The following TRABD2B variants were observed in gnomAD, a reference collection of about 807,000 sequenced individuals.
TRABD2B encodes metalloprotease TIKI2.
A neutral mutation model predicts 40.1 loss-of-function variants in TRABD2B; 14 were observed. The ratio of observed to expected loss-of-function variants is 0.35; its 90% CI spans 0.23 to 0.55. The LOEUF (loss-of-function observed/expected upper bound fraction) is 0.55. Ranked by LOEUF, TRABD2B falls within the 20% of genes least tolerant of loss-of-function variation. The pLI is 0.90. For synonymous variants in TRABD2B, 263 were observed against 277.0 expected (o/e 0.95, Z 0.50); for missense variants, 541 against 648.6 (o/e 0.83, Z 1.80).
chr1:47,922,221 T>C (rs1444330973), intron 2 of TRABD2B, among the ~76,000 whole-genome samples: 3 of 152,210 alleles, frequency 2.0e-5, no homozygotes, highest in Admixed American at 2.0e-4. Flanking sequence ...GGCTAACATG[T>C]ACCTAGCCTA....
chr1:47,891,234 TCAAA>T, intron 2 of TRABD2B, among the ~76,000 whole-genome samples: 1 of 152,246 alleles, frequency 6.6e-6, no homozygotes, highest in African/African-American at 2.4e-5. Context: ...TAGCAATGAG[TCAAA>T]CAAAGTTCCA....
intron 2 of TRABD2B, among the ~76,000 whole-genome samples, chr1:47,807,461 G>T (rs1644907548): frequency 6.6e-6 from 1 of 152,206 alleles, no homozygotes; most frequent in South Asian, 2.1e-4. Context: ...CATGCCGCCA[G>T]GTTAAGAACC....
chr1:47,782,429 C>T (rs1644537660), intron 4 of TRABD2B, among the ~76,000 whole-genome samples: 1 of 152,188 alleles, frequency 6.6e-6, no homozygotes, highest in African/African-American at 2.4e-5. Flanking sequence ...GTGCTCCCAA[C>T]CCACCTGAGG....
intron 2 of TRABD2B, among the ~76,000 whole-genome samples, chr1:47,948,245 T>C (rs978116233): frequency 1.3e-5 from 2 of 149,354 alleles, no homozygotes; most frequent in Non-Finnish European, 3.0e-5. Context: ...GGGCATATCC[T>C]GAGTGATGGC....
rs55649435 is a variant in TRABD2B, at chr1:47,990,771, TTATATATATATATATA to T, written c.666+3247_666+3262del. Among the ~76,000 whole-genome samples, 280 of 36,518 alleles carry T rather than the reference TTATATATATATATATA, an allele frequency of 7.7e-3. 9 individuals are homozygous for T. The highest frequency in any genetic ancestry group is 0.011 in the Non-Finnish European group (205 of 19,354). The allele number at this position is 36,518 out of a possible 152,430, so 24.0% of individuals were successfully genotyped here. A position where few individuals can be genotyped will look rare whatever the true frequency, so the allele number is the denominator to read the frequency against. ...AGTTGTTGGTTTTAAAACGTTGGTT[TTATATATATATATATA>T]TATATATATATATATATATATATAT... On this transcript the variant is annotated intron_variant, in intron 2 of 6. Transcript: ENST00000606738.
At chr1:47,930,378 C>A (rs1206768737) in intron 2 of TRABD2B, among the ~76,000 whole-genome samples, 1 of 152,168 alleles carries the variant, frequency 6.6e-6, no homozygotes. Flanking sequence ...GATCTGGATC[C>A]CTGAGGATAG....
chr1:47,876,503 G>A (rs925161550), intron 2 of TRABD2B, among the ~76,000 whole-genome samples: 2 of 152,230 alleles, frequency 1.3e-5, no homozygotes, highest in African/African-American at 4.8e-5. Flanking sequence ...CTGGGAGACA[G>A]ACTAAGTACC....
At chr1:47,797,327 C>G (rs533953415) in intron 3 of TRABD2B, among the ~76,000 whole-genome samples, 2 of 152,282 alleles carry the variant, frequency 1.3e-5, no homozygotes, top group South Asian at 4.2e-4. Flanking sequence ...GGGGATGGAG[C>G]TGGCTTCATC....
intron 2 of TRABD2B, among the ~76,000 whole-genome samples, chr1:47,908,576 G>C (rs1644709018): frequency 6.6e-6 from 1 of 152,126 alleles, no homozygotes; most frequent in African/African-American, 2.4e-5. Context: ...TCCCTCCTGT[G>C]CCTCTCCTTC....
intron 2 of TRABD2B, among the ~76,000 whole-genome samples, chr1:47,969,908 G>A (rs567105409): frequency 6.6e-6 from 1 of 152,162 alleles, no homozygotes; most frequent in Non-Finnish European, 1.5e-5. Context: ...GCCCCTTCCA[G>A]TGTCCGACTT....
intron 2 of TRABD2B, among the ~76,000 whole-genome samples, chr1:47,891,366 G>A (rs1037230731): frequency 1.3e-5 from 2 of 152,116 alleles, no homozygotes; most frequent in Non-Finnish European, 2.9e-5. Context: ...AGAGTAAGCG[G>A]GGCTACTATG....
intron 4 of TRABD2B, among the ~76,000 whole-genome samples, chr1:47,782,072 A>G (rs572268962): frequency 2.6e-5 from 4 of 152,146 alleles, no homozygotes; most frequent in Non-Finnish European, 5.9e-5. Flanking sequence ...TGGTAACTAC[A>G]CAATGCTGAC....
At chr1:47,875,321 G>T (rs1050232094) in intron 2 of TRABD2B, among the ~76,000 whole-genome samples, 1 of 150,794 alleles carries the variant, frequency 6.6e-6, no homozygotes, top group Non-Finnish European at 1.5e-5. Context: ...CGCACAGCAC[G>T]CGGCAACACT....
chr1:47,950,068 G>A (rs1241218375), intron 2 of TRABD2B, among the ~76,000 whole-genome samples: 2 of 152,046 alleles, frequency 1.3e-5, no homozygotes, highest in African/African-American at 4.8e-5. Flanking sequence ...GACGGATCAC[G>A]AGGTCAGGAG....
chr1:47,883,537 G>C (rs977411176), intron 2 of TRABD2B, among the ~76,000 whole-genome samples: 4 of 152,186 alleles, frequency 2.6e-5, no homozygotes, highest in Non-Finnish European at 4.4e-5. Flanking sequence ...CCTGAATATG[G>C]ATGTGTCTTG....
chr1:47,786,420 G>A (rs1200936112), intron 4 of TRABD2B, among the ~76,000 whole-genome samples: 3 of 152,206 alleles, frequency 2.0e-5, no homozygotes, highest in Admixed American at 2.0e-4. Context: ...TGTTTCGGAG[G>A]GTGAGGGCTG....
intron 2 of TRABD2B, among the ~76,000 whole-genome samples, chr1:47,955,373 AC>A (rs1230915188): frequency 6.6e-6 from 1 of 152,178 alleles, no homozygotes; most frequent in Non-Finnish European, 1.5e-5. Context: ...ACAGAATAGT[AC>A]AGACTCCACG....
chr1:47,965,241 A>C (rs1314694499), intron 2 of TRABD2B, among the ~76,000 whole-genome samples: 1 of 16,000 alleles, frequency 6.3e-5, no homozygotes. Flanking sequence ...GTGGATGGGG[A>C]GGTGGGGGGA....
chr1:47,890,850 C>T (rs1644435075), intron 2 of TRABD2B, among the ~76,000 whole-genome samples: 1 of 149,506 alleles, frequency 6.7e-6, no homozygotes, highest in Admixed American at 6.6e-5. Flanking sequence ...CTCTGTGCAT[C>T]TTCATTACAG....
Sources: gnomAD v4.1 joint callset for allele counts (sites outside exome capture counted in the v4.1 genomes callset) on GRCh38, gnomAD v4.1.1 for gene constraint, MANE v1.5 for transcripts, NCBI Gene and HGNC (gene_info 2026-07-23, HGNC 2026-07-21) for gene names.